DYNC1H1: variants seen among roughly 807,000 people sequenced by gnomAD.
DYNC1H1 encodes the protein cytoplasmic dynein 1 heavy chain 1.
In DYNC1H1, 51 loss-of-function variants were observed where a neutral mutation model predicts 527.1. The ratio of observed to expected loss-of-function variants is 0.10; its 90% confidence interval spans 0.08 to 0.12. The LOEUF (loss-of-function observed/expected upper bound fraction) is 0.12, where lower values mean the gene tolerates loss of function less well. Ranked by LOEUF, DYNC1H1 falls within the 10% of genes least tolerant of loss-of-function variation. DYNC1H1 has a pLI of 1.00. For synonymous variants in DYNC1H1, 2,189 were observed against 2,278.8 expected, an observed-to-expected ratio of 0.96 and a Z score of 1.12; for missense variants, 2,771 against 5,971.8, an observed-to-expected ratio of 0.46 and a Z score of 17.66.
In DYNC1H1 at chr14:102,012,642, C is replaced by A. The variant is rs2048271101; in HGVS notation, c.7014+172C>A. 3 of 862,628 alleles carry A rather than the reference C, an allele frequency of 3.5e-6. No individual in the cohort carries two copies. Among genetic ancestry groups the A allele is most frequent in the Non-Finnish European group, 5.6e-6 (3 of 535,870 alleles). 53.4% of individuals were successfully genotyped at this position (862,628 alleles called of 1,614,324 possible). A position where few individuals can be genotyped will look rare whatever the true frequency, so the allele number is the denominator to read the frequency against. On this transcript the variant is annotated intron_variant, in intron 34 of 77. Transcript: ENST00000360184. The surrounding 1 kb of genome is among the most constrained non-coding windows in gnomAD (Gnocchi z 4.9). ...CAACTGCTAGATTTTTTTTCCATTT[C>A]CATGGCTAGTGAGAAACATTTTAAT...
In DYNC1H1 at chr14:102,015,771, G is replaced by T; in HGVS notation, c.7243-85G>T. On this transcript the variant is annotated intron_variant, in intron 35 of 77. Transcript: ENST00000360184. This position sits in a 1 kb window ranked among gnomAD's most constrained non-coding sequence, Gnocchi z 6.9. ...CAAAATGAGTTTTCCAAGGTCGTAT[G>T]ACCTTCTCCTGGGACCAGGTTAGAA... 6.8e-7 allele frequency: 1 copy of T among 1,460,814 alleles called. No homozygotes were observed. Among genetic ancestry groups the T allele is most frequent in the South Asian group, 1.2e-5 (1 of 83,366 alleles). 90.5% of individuals were successfully genotyped at this position (1,460,814 alleles called of 1,614,324 possible).
Position 102,055,361 on chromosome 14 carries a change from G to C in DYNC1H1, c.*4798G>C, listed in dbSNP as rs1260313253. 1 of 152,044 alleles carries C rather than the reference G, an allele frequency of 6.6e-6. No individual in the cohort carries two copies. Among genetic ancestry groups the C allele is most frequent in the African/African-American group, 2.4e-5 (1 of 41,346 alleles). 9.4% of individuals were successfully genotyped at this position (152,044 alleles called of 1,614,324 possible). On this transcript the variant is annotated 3_prime_UTR_variant, in exon 78 of 78. Coordinates refer to ENST00000360184, the MANE Select transcript of DYNC1H1 (RefSeq NM_001376.5). The stretch of plus-strand genomic sequence containing the variant: ...CTGTGTCTACAAAGGCCTCCTCTTT[G>C]AGGGAGACACGCGAGGCACGGGTGG...
Position 102,001,095 on chromosome 14 carries a change from G to A in DYNC1H1, c.4185+31G>A, listed in dbSNP as rs2048125853. 6.2e-7 allele frequency: 1 copy of A among 1,613,938 alleles called. No individual in the cohort carries two copies. The highest frequency in any genetic ancestry group is 8.5e-7 in the Non-Finnish European group (1 of 1,179,858). On this transcript the variant is annotated intron_variant, in intron 19 of 77. Transcript: ENST00000360184. The surrounding 1 kb of genome is among the most constrained non-coding windows in gnomAD (Gnocchi z 5.0). The stretch of plus-strand genomic sequence containing the variant: ...TGGCCAGTATCGCACGGTGATGAGT[G>A]TCCATTAGAAACGCACCTGCACAGA...
At position 102,011,220 on chromosome 14, in the gene DYNC1H1, A is replaced by G; in HGVS notation, c.6618+268A>G. ...GCATGACTATATTGGAAAGTTGTTTATACTGATAAAAATTCTGCTTACCAG... is the reference window on the plus strand; with the variant it reads ...GCATGACTATATTGGAAAGTTGTTTGTACTGATAAAAATTCTGCTTACCAG... On this transcript the variant is annotated intron_variant, in intron 32 of 77. Coordinates refer to ENST00000360184, the MANE Select transcript of DYNC1H1 (RefSeq NM_001376.5). The surrounding 1 kb of genome is among the most constrained non-coding windows in gnomAD (Gnocchi z 5.3). The G allele has an allele frequency of 2.0e-6, 1 of 491,648 alleles. No homozygotes were observed. 30.5% of individuals were successfully genotyped at this position (491,648 alleles called of 1,614,324 possible).
chr14:102,042,756 C>T lies in DYNC1H1; in HGVS notation c.12513+8C>T, dbSNP rs1277617348. 1 of 1,613,856 alleles carries T rather than the reference C, an allele frequency of 6.2e-7. No individual in the cohort carries two copies. Among genetic ancestry groups the T allele is most frequent in the Non-Finnish European group, 8.5e-7 (1 of 1,179,896 alleles). On this transcript the variant is annotated splice_region_variant and intron_variant, in intron 69 of 77. Transcript: ENST00000360184. This position sits in a 1 kb window ranked among gnomAD's most constrained non-coding sequence, Gnocchi z 5.7. ...GTCTCACGGATATGCAAGGTAAGTA[C>T]CTTGTCCTCCTGGTATGCTTTCCCC...
rs1008197727 is a variant in DYNC1H1, at chr14:102,047,614, T to C, written c.13007-203T>C. The C allele has an allele frequency of 3.8e-4, 158 of 417,126 alleles. 11 individuals carry two copies. The highest frequency in any genetic ancestry group is 5.6e-4 in the Non-Finnish European group (135 of 242,064). 25.8% of individuals were successfully genotyped at this position (417,126 alleles called of 1,614,324 possible). A position where few individuals can be genotyped will look rare whatever the true frequency, so the allele number is the denominator to read the frequency against. ...ATATATATATACACATATATGTATA[T>C]ATACACGTGTGTGTGTGTGTGTGTG... is the stretch of plus-strand genomic sequence containing the variant. On this transcript the variant is annotated intron_variant, in intron 72 of 77. Coordinates refer to ENST00000360184, the MANE Select transcript of DYNC1H1 (RefSeq NM_001376.5).
At position 101,986,601 on chromosome 14, in the gene DYNC1H1, C is replaced by T. The variant is rs35092963; in HGVS notation, c.2376C>T (p.Cys792=). ...GCGTTCGTACCTATGAACGGACCTG[C>T]GAGAAGGTGGAGGAGCGGAACACCA... ...IESVRTYERT[C]EKVEERNTIS... Residue 792 remains cysteine (C), a synonymous_variant, in exon 8 of 78, where the codon TGC becomes TGT. Transcript: ENST00000360184. The surrounding 1 kb of genome is among the most constrained non-coding windows in gnomAD (Gnocchi z 8.7). 110 of 1,613,118 alleles carry T rather than the reference C, an allele frequency of 6.8e-5. No individual in the cohort carries two copies. Among genetic ancestry groups the T allele is most frequent in the Middle Eastern group, 3.3e-4 (2 of 6,084 alleles).
chr14:102,018,371 A>G lies in DYNC1H1; in HGVS notation c.8178-80A>G. Reference sequence around the variant, plus strand: ...GCGACCTCCAGACAGGGCCCTGGACAGGGCGACTCCACTGGCACACTGCCC... The same window carrying G: ...GCGACCTCCAGACAGGGCCCTGGACGGGGCGACTCCACTGGCACACTGCCC... On this transcript the variant is annotated intron_variant, in intron 40 of 77. Coordinates refer to ENST00000360184, the MANE Select transcript of DYNC1H1 (RefSeq NM_001376.5). The surrounding 1 kb of genome is among the most constrained non-coding windows in gnomAD (Gnocchi z 5.2). 1 of 1,566,980 alleles carries G rather than the reference A, an allele frequency of 6.4e-7. No homozygotes were observed. Among genetic ancestry groups the G allele is most frequent in the Non-Finnish European group, 8.6e-7 (1 of 1,160,600 alleles).
Position 102,008,304 on chromosome 14 carries a change from C to T in DYNC1H1, c.5944C>T (p.Leu1982=). The change falls in exon 29 of 78, where the codon CTG becomes TTG. Residue 1982 remains leucine (L), a synonymous_variant. Coordinates refer to ENST00000360184, the MANE Select transcript of DYNC1H1 (RefSeq NM_001376.5). ...SQQVQCIQEA[L]REHSNPNYDK... ...GCAGGTGCAGTGCATACAGGAAGCA[C>T]TGCGTGAACATTCCAACCCCAACTA... 1.2e-6 allele frequency: 2 copies of T among 1,614,236 alleles called. No homozygotes were observed. Among genetic ancestry groups the T allele is most frequent in the African/African-American group, 2.7e-5 (2 of 75,068 alleles).
At chr14:102,031,998 A>G (rs2048515576) in intron 51 of DYNC1H1, among the ~76,000 whole-genome samples, 1 of 152,238 alleles carries the variant, frequency 6.6e-6, no homozygotes, top group Non-Finnish European at 1.5e-5. Context: ...GGATAAAGAA[A>G]TTAGGACTTG....
intron 73 of DYNC1H1, 122 bp from the exon 74 acceptor site, chr14:102,048,394 G>T: frequency 1.5e-6 from 2 of 1,353,040 alleles, no homozygotes; most frequent in Non-Finnish European, 2.1e-6. Flanking sequence ...AAAGCTGTCC[G>T]TGACCCTGGA....
chr14:101,971,182 C>T (rs1034395692), intron 1 of DYNC1H1, among the ~76,000 whole-genome samples: 17 of 145,766 alleles, frequency 1.2e-4, no homozygotes, highest in African/African-American at 2.6e-4. Flanking sequence ...ACTGCAGCCT[C>T]GGTCTCCTGG....
In DYNC1H1 at chr14:101,994,736, G is replaced by A. The variant is rs1366288212; in HGVS notation, c.3220G>A (p.Glu1074Lys). The A allele has an allele frequency of 6.2e-7, 1 of 1,614,226 alleles. No homozygotes were observed. The highest frequency in any genetic ancestry group is 8.5e-7 in the Non-Finnish European group (1 of 1,180,044). ...QAENIYNRLG[E>K]DLNKWQALLV... ...TGAAAACATCTATAACAGACTTGGA[G>A]AAGATCTCAACAAATGGCAGGCTCT... The change falls in exon 13 of 78, where the codon GAA becomes AAA. Residue 1074 changes from glutamate to lysine, a missense_variant. Physicochemically the swap from Glu to Lys is moderately conservative, Grantham distance 56. Coordinates refer to ENST00000360184, the MANE Select transcript of DYNC1H1 (RefSeq NM_001376.5).
rs947947036 is a variant in DYNC1H1, at chr14:102,054,308, C to G, written c.*3745C>G. ...GCGAAGCTGAGGCCAGACCCACCCC[C>G]GAGTCTTCCCTCTGCCACATCCAGG... is the stretch of plus-strand genomic sequence containing the variant. On this transcript the variant is annotated 3_prime_UTR_variant, in exon 78 of 78. Transcript: ENST00000360184. 6.6e-6 allele frequency: 1 copy of G among 152,456 alleles called. No homozygotes were observed. Among genetic ancestry groups the G allele is most frequent in the African/African-American group, 2.4e-5 (1 of 41,572 alleles). The allele number at this position is 152,456 out of a possible 1,614,324, so 9.4% of individuals were successfully genotyped here.
At chr14:102,022,584 G>A (rs2048397772) in intron 42 of DYNC1H1, among the ~76,000 whole-genome samples, 167 bp from the exon 43 acceptor site, 1 of 152,106 alleles carries the variant, frequency 6.6e-6, no homozygotes, top group Non-Finnish European at 1.5e-5. Context: ...TGCCTAAGCT[G>A]TCATGAGTTC....
chr14:102,028,752 C>G (rs982123754), intron 48 of DYNC1H1: 2 of 164,692 alleles, frequency 1.2e-5, no homozygotes, highest in Admixed American at 5.6e-5. Context: ...ACTCTTTCCT[C>G]TAGATCAGGA....
chr14:102,011,149 C>T lies in DYNC1H1; in HGVS notation c.6618+197C>T. 1.5e-6 allele frequency: 1 copy of T among 654,464 alleles called. No homozygotes were observed. The allele number at this position is 654,464 out of a possible 1,614,324, so 40.5% of individuals were successfully genotyped here. ...TAAATGAAGAGGAAACAATACTTAACCTGAAAATTTTACATGATACAGTTC... is the reference window on the plus strand; with the variant it reads ...TAAATGAAGAGGAAACAATACTTAATCTGAAAATTTTACATGATACAGTTC... On this transcript the variant is annotated intron_variant, in intron 32 of 77. Transcript: ENST00000360184. The surrounding 1 kb of genome is among the most constrained non-coding windows in gnomAD (Gnocchi z 5.3).
rs1322024264 is a variant in DYNC1H1, at chr14:101,994,994, T to C, written c.3342T>C (p.Ser1114=). Residue 1114 remains serine (S), a synonymous_variant, in exon 14 of 78, where the codon TCT becomes TCC. Transcript: ENST00000360184. ...PVVIDYGKVQ[S]KVNLKYDSWH... ...TGCTATTTCACCCTCAGGTACAATC[T>C]AAGGTGAACTTGAAATATGACTCTT... 1 of 1,614,102 alleles carries C rather than the reference T, an allele frequency of 6.2e-7. No homozygotes were observed. Among genetic ancestry groups the C allele is most frequent in the African/African-American group, 1.3e-5 (1 of 74,924 alleles).
At chr14:102,032,584 G>T (rs2048521808) in intron 52 of DYNC1H1, 117 bp downstream of exon 52, 7 of 1,320,720 alleles carry the variant, frequency 5.3e-6, no homozygotes, top group African/African-American at 1.5e-5. Flanking sequence ...AGGCACAGTG[G>T]CTCACGGCTC....
Sources: gnomAD v4.1 joint callset for allele counts (sites outside exome capture counted in the v4.1 genomes callset) on GRCh38, gnomAD v4.1.1 for gene constraint, Gnocchi (gnomAD v3.1) non-coding constraint, MANE v1.5 for transcripts, NCBI Gene and HGNC (gene_info 2026-07-23, HGNC 2026-07-21) for gene names.